TMX2: variants seen among roughly 807,000 people sequenced by gnomAD.
TMX2 encodes the protein thioredoxin related transmembrane protein 2.
Under a neutral mutation model 33.4 loss-of-function variants are expected in TMX2, and 20 were observed. The ratio of observed to expected loss-of-function variants is 0.60; its 90% CI spans 0.42 to 0.87. The LOEUF (loss-of-function observed/expected upper bound fraction) is 0.87. TMX2 is among the 40% of genes least tolerant of loss of function. TMX2 has a pLI of 0.00. For missense variants in TMX2, 340 were observed against 370.7 expected (o/e 0.92, Z 0.68); for synonymous variants, 166 against 140.7 (o/e 1.18, Z -1.27).
intron 1 of TMX2, among the ~76,000 whole-genome samples, chr11:57,720,301 A>G (rs1011774106): frequency 2.6e-5 from 4 of 152,184 alleles, no homozygotes; most frequent in African/African-American, 9.7e-5. Flanking sequence ...ATGTGTCTAT[A>G]TATGTATGTA....
intron 1 of TMX2, among the ~76,000 whole-genome samples, chr11:57,725,777 A>G (rs1287047059): frequency 6.6e-6 from 1 of 151,996 alleles, no homozygotes; most frequent in Non-Finnish European, 1.5e-5. Context: ...CTCCAAATCA[A>G]GAAGGGGGTA....
chr11:57,736,615 C>T (rs1326707382), intron 1 of TMX2, among the ~76,000 whole-genome samples: 1 of 151,696 alleles, frequency 6.6e-6, no homozygotes, highest in African/African-American at 2.4e-5. Context: ...GGGCCGGGCT[C>T]GGTGGCTCAC....
chr11:57,713,255 CA>C (rs1438598330), intron 1 of TMX2, among the ~76,000 whole-genome samples: 3 of 152,124 alleles, frequency 2.0e-5, no homozygotes, highest in Non-Finnish European at 4.4e-5. Context: ...CCAGGTCATA[CA>C]ACTAATGAGT....
chr11:57,733,095 A>G (rs541840008), intron 1 of TMX2, among the ~76,000 whole-genome samples: 23 of 152,274 alleles, frequency 1.5e-4, no homozygotes, highest in Admixed American at 1.5e-3. Context: ...TGGTATTATA[A>G]TCTTATGGGA....
chr11:57,718,730 A>C (rs1433362997), intron 1 of TMX2, among the ~76,000 whole-genome samples: 12 of 134,674 alleles, frequency 8.9e-5, no homozygotes, highest in Admixed American at 8.8e-4. Flanking sequence ...ATCTTGGCTC[A>C]CTGCAACCTC....
chr11:57,717,561 G>C (rs2135476456), intron 1 of TMX2, among the ~76,000 whole-genome samples: 1 of 152,212 alleles, frequency 6.6e-6, no homozygotes, highest in African/African-American at 2.4e-5. Context: ...AAACCAGTCA[G>C]GCGTGGTGGC....
intron 1 of TMX2, among the ~76,000 whole-genome samples, chr11:57,732,306 A>G (rs1490433420): frequency 6.6e-6 from 1 of 152,166 alleles, no homozygotes; most frequent in East Asian, 1.9e-4. Flanking sequence ...CCAGCCCCCA[A>G]AATGAGTCAT....
intron 7 of TMX2, among the ~76,000 whole-genome samples, chr11:57,739,680 C>T (rs768030493): frequency 6.6e-6 from 1 of 151,974 alleles, no homozygotes; most frequent in Non-Finnish European, 1.5e-5. Context: ...TCGCTTGAAC[C>T]CGGGAGGTGG....
intron 1 of TMX2, among the ~76,000 whole-genome samples, chr11:57,717,578 C>G (rs1344695925): frequency 1.3e-5 from 2 of 152,072 alleles, no homozygotes; most frequent in East Asian, 1.9e-4. Context: ...TGGCGCTTGC[C>G]TGCAATCGCA....
intron 1 of TMX2, among the ~76,000 whole-genome samples, chr11:57,720,775 C>A (rs551151557): frequency 6.6e-6 from 1 of 152,328 alleles, no homozygotes; most frequent in South Asian, 2.1e-4. Context: ...TGTTACCTTA[C>A]AAGGAATCGA....
intron 1 of TMX2, among the ~76,000 whole-genome samples, chr11:57,724,965 G>T (rs750564072): frequency 1.5e-4 from 23 of 151,766 alleles, no homozygotes; most frequent in Non-Finnish European, 2.2e-4. Context: ...TTTGAACTCG[G>T]GTGGCAGAGG....
intron 1 of TMX2, among the ~76,000 whole-genome samples, chr11:57,717,690 G>A (rs1429355950): frequency 3.8e-5 from 5 of 132,006 alleles, no homozygotes; most frequent in Admixed American, 7.8e-5. Context: ...GAGGGAGACC[G>A]TGGAAAGAGA....
At chr11:57,737,825 C>T (rs753883569) in intron 2 of TMX2, 88 bp from the exon 3 acceptor site, 4 of 1,613,366 alleles carry the variant, frequency 2.5e-6, no homozygotes, top group South Asian at 1.1e-5. Context: ...TCCCTGTCTC[C>T]TATTTCAAAG....
intron 1 of TMX2, chr11:57,718,373 T>C (rs1209332047): frequency 2.3e-5 from 34 of 1,487,752 alleles, no homozygotes; most frequent in Non-Finnish European, 2.7e-5. Context: ...AATAATTCTG[T>C]GAAAGCAGGA....
In TMX2 at chr11:57,712,608, C is replaced by G. The variant is rs757914437; in HGVS notation, c.-11C>G. The G allele has an allele frequency of 4.4e-5, 71 of 1,602,060 alleles. No homozygotes were observed. Among genetic ancestry groups the G allele is most frequent in the African/African-American group, 5.3e-5 (4 of 74,788 alleles). ...CGACGCCGGCGAGCAGTGGCCGTTACGGCCGAAAAGATGGCGGTCTTGGCA... is the reference window on the plus strand; with the variant it reads ...CGACGCCGGCGAGCAGTGGCCGTTAGGGCCGAAAAGATGGCGGTCTTGGCA... On this transcript the variant is annotated 5_prime_UTR_variant, in exon 1 of 8. Coordinates refer to ENST00000278422, the MANE Select transcript of TMX2 (RefSeq NM_015959.4).
chr11:57,739,671 C>T (rs1253614110), intron 7 of TMX2, among the ~76,000 whole-genome samples: 1 of 151,906 alleles, frequency 6.6e-6, no homozygotes, highest in Admixed American at 6.6e-5. Flanking sequence ...GCAGGAGAAT[C>T]GCTTGAACCC....
chr11:57,735,536 G>A (rs944355184), intron 1 of TMX2, among the ~76,000 whole-genome samples: 1 of 152,156 alleles, frequency 6.6e-6, no homozygotes, highest in East Asian at 1.9e-4. Flanking sequence ...CTCATAAAAA[G>A]TTGCAACCTG....
chr11:57,740,487 A>T lies in TMX2; in HGVS notation c.*242A>T, dbSNP rs1177345275. 2.3e-6 allele frequency: 1 copy of T among 439,648 alleles called. No homozygotes were observed. Among genetic ancestry groups the T allele is most frequent in the East Asian group, 4.3e-5 (1 of 23,358 alleles). The allele number at this position is 439,648 out of a possible 1,614,324, so 27.2% of individuals were successfully genotyped here. On this transcript the variant is annotated 3_prime_UTR_variant, in exon 8 of 8. Transcript: ENST00000278422. ...AGAGATCTCATAGGACGGAGGGGGA[A>T]ATGGTTTCCCTCCAAGCTTGGGTCA...
In TMX2 at chr11:57,739,264, C is replaced by G; in HGVS notation, c.744+4C>G. ...TGTCTCATGGACCTTCTCTGAGGTA[C>G]CTGAAAGGAAGGGCAGGTGCATGAA... On this transcript the variant is annotated splice_donor_region_variant and intron_variant, in intron 7 of 7. Transcript: ENST00000278422. 6.2e-7 allele frequency: 1 copy of G among 1,613,996 alleles called. No homozygotes were observed. Among genetic ancestry groups the G allele is most frequent in the Non-Finnish European group, 8.5e-7 (1 of 1,180,012 alleles).
Sources: allele counts gnomAD v4.1 joint callset (sites outside exome capture counted in the v4.1 genomes callset), GRCh38; gene constraint gnomAD v4.1.1; transcripts MANE v1.5; gene names NCBI Gene and HGNC (gene_info 2026-07-23, HGNC 2026-07-21).